The following RHEB variants were observed in gnomAD, a reference collection of about 807,000 sequenced individuals.
RHEB encodes the protein GTP-binding protein Rheb.
A neutral mutation model predicts 28.8 loss-of-function variants in RHEB; 2 were observed. The ratio of observed to expected loss-of-function variants is 0.07; its 90% CI spans 0.03 to 0.22. The LOEUF is 0.22. Ranked by LOEUF, RHEB falls within the 10% of genes least tolerant of loss-of-function variation. RHEB has a pLI of 1.00. For synonymous variants in RHEB, 69 were observed against 77.3 expected (o/e 0.89, Z 0.56); for missense variants, 76 against 219.9 (o/e 0.35, Z 4.14).
chr7:151,502,667 A>T, intron 1 of RHEB: 1 of 1,610,094 alleles, frequency 6.2e-7, no homozygotes, highest in South Asian at 1.1e-5. Context: ...GGCACACTCC[A>T]AGGAAACACA....
Position 151,471,414 on chromosome 7 carries a change from C to T in RHEB, c.360G>A (p.Lys120=). Residue 120 remains lysine (K), a synonymous_variant, in exon 6 of 8, where the codon AAG becomes AAA. Coordinates refer to ENST00000262187, the MANE Select transcript of RHEB (RefSeq NM_005614.4). ...VQIPIMLVGN[K]KDLHMERVIS... ...CATACCTTTCCATATGCAGGTCTTT[C>T]TTATTCCCAACCAACATAATAGGTA... is the stretch of plus-strand genomic sequence containing the variant. 1 of 1,580,818 alleles carries T rather than the reference C, an allele frequency of 6.3e-7. No individual in the cohort carries two copies. The highest frequency in any genetic ancestry group is 8.7e-7 in the Non-Finnish European group (1 of 1,151,942).
At chr7:151,508,205 G>T (rs1802921625) in intron 1 of RHEB, among the ~76,000 whole-genome samples, 2 of 152,158 alleles carry the variant, frequency 1.3e-5, no homozygotes, top group Non-Finnish European at 2.9e-5. Context: ...TAAAGAACAT[G>T]AAATTTAAGA....
chr7:151,476,493 T>C (rs1802275005), intron 4 of RHEB, among the ~76,000 whole-genome samples: 1 of 152,274 alleles, frequency 6.6e-6, no homozygotes, highest in Non-Finnish European at 1.5e-5. Context: ...AATGTCATTA[T>C]GTAGCCCTGG....
intron 1 of RHEB, among the ~76,000 whole-genome samples, chr7:151,497,317 A>G (rs1289504104): frequency 1.3e-5 from 2 of 152,168 alleles, no homozygotes; most frequent in African/African-American, 4.8e-5. Context: ...CCTGTAACAA[A>G]TGTAATTTAT....
chr7:151,480,380 T>G (rs979914341), intron 3 of RHEB, among the ~76,000 whole-genome samples: 3 of 152,090 alleles, frequency 2.0e-5, no homozygotes, highest in Non-Finnish European at 2.9e-5. Context: ...TGTATTACTT[T>G]TTGTGTAAAA....
chr7:151,487,990 C>T (rs1000944146), intron 2 of RHEB, among the ~76,000 whole-genome samples: 5 of 152,220 alleles, frequency 3.3e-5, no homozygotes, highest in South Asian at 2.1e-4. Flanking sequence ...ACACCCAGGA[C>T]GCAGTGCCTT....
At chr7:151,491,287 CTGT>C (rs1291966898) in intron 1 of RHEB, among the ~76,000 whole-genome samples, 1 of 152,166 alleles carries the variant, frequency 6.6e-6, no homozygotes, top group East Asian at 1.9e-4. Context: ...ATCAGATATT[CTGT>C]TAAAGATAAT....
chr7:151,490,844 G>A (rs1023245761), intron 2 of RHEB, 99 bp downstream of exon 2: 17 of 903,506 alleles, frequency 1.9e-5, no homozygotes, highest in Admixed American at 7.0e-5. Context: ...GAGACACACA[G>A]AATTTACCTC....
intron 1 of RHEB, among the ~76,000 whole-genome samples, chr7:151,507,074 G>A (rs1048381293): frequency 1.3e-5 from 2 of 152,208 alleles, no homozygotes; most frequent in East Asian, 1.9e-4. Context: ...AGAGTGCCTC[G>A]TTGGGGACTA....
chr7:151,503,018 G>A (rs1802799841), intron 1 of RHEB: 10 of 783,306 alleles, frequency 1.3e-5, no homozygotes, highest in South Asian at 1.2e-4. Flanking sequence ...GAAATCAATA[G>A]AACGATACTT....
At chr7:151,485,235 T>C (rs1342486487) in intron 2 of RHEB, among the ~76,000 whole-genome samples, 1 of 152,220 alleles carries the variant, frequency 6.6e-6, no homozygotes, top group African/African-American at 2.4e-5. Flanking sequence ...AGTTAAGTGC[T>C]AAGAACTTTT....
In RHEB at chr7:151,472,615, G is replaced by A. The variant is rs1394035110; in HGVS notation, c.276-1010C>T. On this transcript the variant is annotated intron_variant, in intron 4 of 7. Coordinates refer to ENST00000262187, the MANE Select transcript of RHEB (RefSeq NM_005614.4). The surrounding 1 kb of genome is among the most constrained non-coding windows in gnomAD (Gnocchi z 5.2). ...TTCCTTTCCATTTCTTACCCCTTCC[G>A]TACTTTATTTTTCTTGGCAGCATGG... 3.9e-5 allele frequency among the ~76,000 whole-genome samples: 6 copies of A among 152,066 alleles called. No homozygotes were observed. The highest frequency in any genetic ancestry group is 4.2e-4 in the South Asian group (2 of 4,802).
chr7:151,486,031 A>G (rs762138072), intron 2 of RHEB, among the ~76,000 whole-genome samples: 3 of 152,228 alleles, frequency 2.0e-5, no homozygotes, highest in African/African-American at 4.8e-5. Context: ...TATTTCATCA[A>G]TTCTAAGAAA....
intron 1 of RHEB, among the ~76,000 whole-genome samples, chr7:151,504,356 G>C (rs1381349075): frequency 6.6e-6 from 1 of 152,160 alleles, no homozygotes; most frequent in Non-Finnish European, 1.5e-5. Context: ...GCATCCCTTG[G>C]TATACAAGGG....
At chr7:151,502,086 A>C (rs1361887486) in intron 1 of RHEB, 14 of 406,150 alleles carry the variant, frequency 3.4e-5, no homozygotes, top group Non-Finnish European at 6.3e-5. Flanking sequence ...AAATACAAAA[A>C]TTAGCTGGGT....
intron 2 of RHEB, among the ~76,000 whole-genome samples, chr7:151,485,411 G>C (rs1272535014): frequency 6.6e-6 from 1 of 152,156 alleles, no homozygotes; most frequent in African/African-American, 2.4e-5. Flanking sequence ...ATAACTTCCG[G>C]AAAAGTCAAT....
intron 1 of RHEB, chr7:151,502,930 T>G: frequency 2.5e-6 from 2 of 791,868 alleles, no homozygotes; most frequent in Non-Finnish European, 4.6e-6. Flanking sequence ...ATATATCCTA[T>G]GGTGGTGAAA....
At chr7:151,518,000 C>T (rs1304422794) in intron 1 of RHEB, 1 of 151,900 alleles carries the variant, frequency 6.6e-6, no homozygotes, top group Non-Finnish European at 1.5e-5. Context: ...TGGATTCAGG[C>T]TGCCAATAAA....
chr7:151,467,457 C>T (rs984998723), intron 7 of RHEB, among the ~76,000 whole-genome samples: 11 of 152,006 alleles, frequency 7.2e-5, no homozygotes, highest in South Asian at 6.2e-4. Flanking sequence ...CACCAGGAGA[C>T]GCCCGAAGAG....
Sources: allele counts gnomAD v4.1 joint callset (sites outside exome capture counted in the v4.1 genomes callset), GRCh38; gene constraint gnomAD v4.1.1; non-coding constraint Gnocchi (gnomAD v3.1); transcripts MANE v1.5; gene names NCBI Gene and HGNC (gene_info 2026-07-23, HGNC 2026-07-21).